Variants in CACNA1F observed in about 807,000 individuals in gnomAD.
The protein encoded by CACNA1F is calcium voltage-gated channel subunit alpha1 F.
In CACNA1F, 59 loss-of-function variants were observed where a neutral mutation model predicts 143.8. The observed-to-expected ratio is 0.41, with a 90% CI of 0.33 to 0.51. CACNA1F has a LOEUF of 0.51. CACNA1F is among the 20% of genes least tolerant of loss of function. The probability of loss-of-function intolerance (pLI) is 0.22; values close to 1 mark genes in which losing one functional copy is unlikely to be tolerated. For missense variants in CACNA1F, 1,411 were observed against 1,647.5 expected (o/e 0.86, Z 2.48); for synonymous variants, 643 against 649.1 (o/e 0.99, Z 0.14).
intron 29 of CACNA1F, among the ~76,000 whole-genome samples, chrX:49,214,819 G>A (rs782220390): frequency 3.6e-5 from 4 of 109,702 alleles, no homozygotes; most frequent in African/African-American, 6.6e-5. Flanking sequence ...AAATTGGGGC[G>A]CATTTTATAA....
In CACNA1F at chrX:49,211,081, G is replaced by T. The variant is rs2065653167; in HGVS notation, c.4272C>A (p.Leu1424=). 1 of 1,210,160 alleles carries T rather than the reference G, an allele frequency of 8.3e-7. No individual in the cohort carries two copies. Among genetic ancestry groups the T allele is most frequent in the Non-Finnish European group, 1.1e-6 (1 of 894,221 alleles). Residue 1424 remains leucine (L), a synonymous_variant, in exon 37 of 48, where the codon CTC becomes CTA. Coordinates refer to ENST00000323022, the MANE Select transcript of CACNA1F (RefSeq NM_001256789.3). ...FMLCAFLIIN[L]FVAVIMDNFD... ...AGTTGTCCATGATCACAGCCACAAA[G>T]AGATTTATGATCTGTGGGCCAGTGA... is the stretch of plus-strand genomic sequence containing the variant.
chrX:49,231,617 C>A, intron 2 of CACNA1F, 61 bp downstream of exon 2: 1 of 1,189,736 alleles, frequency 8.4e-7, no homozygotes, highest in African/African-American at 1.7e-5. Flanking sequence ...TGACCCAATT[C>A]TTTACTCCTG....
At chrX:49,220,159 C>A (rs945630296) in intron 19 of CACNA1F, among the ~76,000 whole-genome samples, 4 of 112,183 alleles carry the variant, frequency 3.6e-5, no homozygotes, top group African/African-American at 1.3e-4. Flanking sequence ...CTCACTGCAA[C>A]CTTGAACTTC....
In CACNA1F at chrX:49,208,652, C is replaced by G. The variant is rs373965246; in HGVS notation, c.4986G>C (p.Arg1662=). The change falls in exon 43 of 48, where the codon CGG becomes CGC. Residue 1662 remains arginine, a synonymous_variant. Coordinates refer to ENST00000323022, the MANE Select transcript of CACNA1F (RefSeq NM_001256789.3). ...ATMVSQPSAR[R]GSGISVSLPV... is the part of the protein sequence containing the mutation. ...GCAGAGACACAGAAATCCCGGAGCC[C>G]CGGCGAGCTGAGGGCTGGGAGACCA... is the stretch of plus-strand genomic sequence containing the variant. The G allele has an allele frequency of 1.4e-5, 17 of 1,210,863 alleles. No individual in the cohort carries two copies. Among genetic ancestry groups the G allele is most frequent in the Non-Finnish European group, 1.9e-5 (17 of 895,270 alleles).
At position 49,213,781 on chromosome X, in the gene CACNA1F, T is replaced by G; in HGVS notation, c.3792+38A>C. Reference sequence around the variant, plus strand: ...CGGGATAGAGGTGAGGGAAGGTGTATAGGGCGAGAGTGGATTAGTGGAAAG... The same window carrying G: ...CGGGATAGAGGTGAGGGAAGGTGTAGAGGGCGAGAGTGGATTAGTGGAAAG... On this transcript the variant is annotated intron_variant, in intron 31 of 47. Transcript: ENST00000323022. The G allele has an allele frequency of 6.1e-6, 6 of 990,902 alleles. 1 individual carries two copies. In the East Asian group the frequency reaches 1.5e-4, roughly 25 times the overall value. The allele number at this position is 990,902 out of a possible 1,213,427, so 81.7% of individuals were successfully genotyped here.
chrX:49,205,581 C>A, intron 47 of CACNA1F, 35 bp downstream of exon 47: 2 of 1,167,158 alleles, frequency 1.7e-6, no homozygotes, highest in East Asian at 3.0e-5. Flanking sequence ...CCCCTTCTCC[C>A]CCATCCGTCT....
intron 4 of CACNA1F, 24 bp downstream of exon 4, chrX:49,230,826 G>C: frequency 1.7e-6 from 2 of 1,167,576 alleles, no homozygotes; most frequent in East Asian, 6.4e-5. Context: ...CGACTAGGGT[G>C]GGGTGCCTCC....
chrX:49,207,901 C>T (rs781897719), intron 43 of CACNA1F, among the ~76,000 whole-genome samples: 4 of 108,359 alleles, frequency 3.7e-5, no homozygotes, highest in Admixed American at 9.9e-5. Context: ...CTCATAGAAA[C>T]GAAGTGACTA....
At chrX:49,228,692 G>A (rs953443652) in intron 6 of CACNA1F, among the ~76,000 whole-genome samples, 39 of 112,795 alleles carry the variant, frequency 3.5e-4, no homozygotes, top group African/African-American at 1.2e-3. Flanking sequence ...AGCCTCCTGA[G>A]TAGCTGGGAT....
chrX:49,223,171 C>T (rs1194970632), intron 14 of CACNA1F, 35 bp from the exon 15 acceptor site: 1 of 966,125 alleles, frequency 1.0e-6, no homozygotes, highest in Non-Finnish European at 1.5e-6. Flanking sequence ...GGGTCGATGC[C>T]ATGTCCACTG....
In CACNA1F at chrX:49,222,537, G is replaced by A; in HGVS notation, c.2273C>T (p.Ala758Val). Reference sequence around the variant, plus strand: ...CAGATCTCACCCGCCCTTGTCCTTGGCAGTGCCTGCATCTCCACTGGCCAG... The same window carrying A: ...CAGATCTCACCCGCCCTTGTCCTTGACAGTGCCTGCATCTCCACTGGCCAG... ...DNLASGDAGT[A>V]KDKGGEKSNE... Residue 758 changes from alanine (A) to valine (V), a missense_variant, in exon 17 of 48, where the codon GCC becomes GTC. Ala to Val is a moderately conservative substitution (Grantham distance 64, BLOSUM62 0). This residue lies in a region of CACNA1F where 950 missense variants were observed against 1,128.1 expected (regional missense o/e 0.84). Coordinates refer to ENST00000323022, the MANE Select transcript of CACNA1F (RefSeq NM_001256789.3). The A allele has an allele frequency of 8.3e-7, 1 of 1,208,611 alleles. No homozygotes were observed. Among genetic ancestry groups the A allele is most frequent in the Non-Finnish European group, 1.1e-6 (1 of 893,170 alleles).
Position 49,212,701 on chromosome X carries a change from C to T in CACNA1F, c.3908G>A (p.Arg1303His), listed in dbSNP as rs372593210. 4 of 1,208,090 alleles carry T rather than the reference C, an allele frequency of 3.3e-6. No individual in the cohort carries two copies. Among genetic ancestry groups the T allele is most frequent in the Non-Finnish European group, 2.2e-6 (2 of 893,224 alleles). ...CTTGATGAATGTCCAGAGCAATGTG[C>T]GGATCCCTTCACCCTTACTGAGAAG... ...VKLLSKGEGI[R>H]TLLWTFIKSF... The change falls in exon 33 of 48, where the codon CGC (arginine) becomes CAC (histidine). Residue 1303 changes from arginine to histidine, a missense_variant. By Grantham distance (29) the Arg-to-His change is conservative. Around this residue, in one of 3 missense-constraint regions of CACNA1F, gnomAD observed 950 missense variants for 1,128.1 expected, o/e 0.84. Transcript: ENST00000323022.
In CACNA1F at chrX:49,231,795, T is replaced by C. The variant is rs1557111431; in HGVS notation, c.158A>G (p.Gln53Arg). The C allele has an allele frequency of 2.5e-6, 3 of 1,209,667 alleles. No individual in the cohort carries two copies. Among genetic ancestry groups the C allele is most frequent in the Admixed American group, 4.4e-5 (2 of 45,697 alleles). The part of the protein sequence containing the change: ...SGLGTPKRRN[Q>R]HSKHKTVAVA... ...TGCCACTGTCTTGTGCTTGCTGTGCTGGTTTCTTCGCTTAGGGGTCCCTAG... is the reference window on the plus strand; with the variant it reads ...TGCCACTGTCTTGTGCTTGCTGTGCCGGTTTCTTCGCTTAGGGGTCCCTAG... The change falls in exon 2 of 48, where the codon CAG becomes CGG. Residue 53 changes from glutamine (Q) to arginine (R), a missense_variant. By Grantham distance (43) the Gln-to-Arg change is conservative. Coordinates refer to ENST00000323022, the MANE Select transcript of CACNA1F (RefSeq NM_001256789.3).
Position 49,218,656 on chromosome X carries a change from C to T in CACNA1F, c.2813G>A (p.Ser938Asn), listed in dbSNP as rs1557108054. 1 of 1,203,992 alleles carries T rather than the reference C, an allele frequency of 8.3e-7. No homozygotes were observed. The highest frequency in any genetic ancestry group is 2.3e-4 in the Middle Eastern group (1 of 4,329). Reference protein sequence around the residue: ...WFNMLDLLVVSVSLISFGIHS... With the variant: ...WFNMLDLLVVNVSLISFGIHS... ...GATGCCAAAGGAGATGAGGGACACA[C>T]TGACCACCAGCAGATCCAACATATT... The change falls in exon 23 of 48, where the codon AGT (serine) becomes AAT (asparagine). Residue 938 changes from serine (S) to asparagine (N), a missense_variant. Physicochemically the swap from Ser to Asn is conservative, Grantham distance 46 (BLOSUM62 1). Transcript: ENST00000323022.
At chrX:49,231,334 G>A in intron 2 of CACNA1F, 27 bp from the exon 3 acceptor site, 1 of 1,031,205 alleles carries the variant, frequency 9.7e-7, no homozygotes, top group Non-Finnish European at 1.3e-6. Context: ...CAAGGACCCT[G>A]GCAGAGTGGC....
In CACNA1F at chrX:49,231,351, AC is replaced by A. The variant is rs782572370; in HGVS notation, c.276-45del. ...AGGACCCTGGCAGAGTGGCATTGGAACCCCCCTACTCCCTTGGGAACCTCCC... is the reference window on the plus strand; with the variant it reads ...AGGACCCTGGCAGAGTGGCATTGGAACCCCCTACTCCCTTGGGAACCTCCC... On this transcript the variant is annotated intron_variant, in intron 2 of 47. Transcript: ENST00000323022. 6.4e-6 allele frequency: 6 copies of A among 934,192 alleles called. No individual in the cohort carries two copies. In the Admixed American group the frequency reaches 7.9e-5, roughly 12 times the overall value. 77.0% of individuals were successfully genotyped at this position (934,192 alleles called of 1,213,427 possible).
In CACNA1F at chrX:49,231,817, C is replaced by T. The variant is rs782232809; in HGVS notation, c.136G>A (p.Gly46Arg). 8.3e-7 allele frequency: 1 copy of T among 1,204,334 alleles called. No individual in the cohort carries two copies. The highest frequency in any genetic ancestry group is 1.7e-5 in the African/African-American group (1 of 57,259). Residue 46 changes from glycine (G) to arginine (R), a missense_variant, in exon 2 of 48, where the codon GGG becomes AGG. Coordinates refer to ENST00000323022, the MANE Select transcript of CACNA1F (RefSeq NM_001256789.3). ...TGCTGGTTTCTTCGCTTAGGGGTCCCTAGGCCTGATGCCCCACTGCTTTCA... is the reference window on the plus strand; with the variant it reads ...TGCTGGTTTCTTCGCTTAGGGGTCCTTAGGCCTGATGCCCCACTGCTTTCA... Reference protein sequence around the residue: ...EGESSGASGLGTPKRRNQHSK... With the variant: ...EGESSGASGLRTPKRRNQHSK...
chrX:49,226,064 C>T lies in CACNA1F; in HGVS notation c.1496G>A (p.Arg499His), dbSNP rs782290338. ...AAGGACCCGGTTGGCTCGGCGGAGG[C>T]GGCGGCTGGGGGAAGGGGAGCCCAC... ...NKIMKTRVCR[R>H]LRRANRVLRA... The change falls in exon 13 of 48, where the codon CGC becomes CAC. Residue 499 changes from arginine (R) to histidine (H), a missense_variant. Coordinates refer to ENST00000323022, the MANE Select transcript of CACNA1F (RefSeq NM_001256789.3). 1.7e-5 allele frequency: 20 copies of T among 1,187,941 alleles called. No individual in the cohort carries two copies. Among genetic ancestry groups the T allele is most frequent in the East Asian group, 9.2e-5 (3 of 32,555 alleles).
At position 49,214,211 on chromosome X, in the gene CACNA1F, G is replaced by A; in HGVS notation, c.3656C>T (p.Thr1219Ile). 2 of 1,206,573 alleles carry A rather than the reference G, an allele frequency of 1.7e-6. No individual in the cohort carries two copies. The highest frequency in any genetic ancestry group is 2.2e-6 in the Non-Finnish European group (2 of 890,229). The stretch of plus-strand genomic sequence containing the variant: ...CACCATCTCAATAGTGAAGAGGCCA[G>A]TGAAGACCATGTTGAGGATGTCCAT... ...YAMDILNMVFTGLFTIEMVLK... is the reference protein window; with the variant it reads ...YAMDILNMVFIGLFTIEMVLK... The change falls in exon 30 of 48, where the codon ACT becomes ATT. Residue 1219 changes from threonine to isoleucine, a missense_variant. Physicochemically the swap from Thr to Ile is moderately conservative, Grantham distance 89 (BLOSUM62 -1). Transcript: ENST00000323022.
Sources: gnomAD v4.1 joint callset for allele counts (sites outside exome capture counted in the v4.1 genomes callset) on GRCh38, gnomAD v4.1.1 for gene constraint, gnomAD v4.1.1 regional missense constraint, MANE v1.5 for transcripts, NCBI Gene and HGNC (gene_info 2026-07-23, HGNC 2026-07-21) for gene names.